SRSF4: variants seen among roughly 807,000 people sequenced by gnomAD.
SRSF4 encodes the protein serine/arginine-rich splicing factor 4.
SRSF4 carries 12 observed loss-of-function variants against 48.8 expected under a neutral mutation model. The observed-to-expected ratio is 0.25, with a 90% CI of 0.16 to 0.40. The LOEUF is 0.40. Ranked by LOEUF, SRSF4 falls within the 10% of genes least tolerant of loss-of-function variation. The pLI is 1.00. For synonymous variants in SRSF4, 248 were observed against 232.5 expected (o/e 1.07, Z -0.61); for missense variants, 466 against 667.1 (o/e 0.70, Z 3.32).
At chr1:29,159,008 G>A (rs1213015232) in intron 3 of SRSF4, among the ~76,000 whole-genome samples, 1 of 151,980 alleles carries the variant, frequency 6.6e-6, no homozygotes, top group African/African-American at 2.4e-5. Context: ...TCAGGAAGCT[G>A]AGATGGAGAA....
chr1:29,156,917 A>G (rs1672509153), intron 3 of SRSF4, among the ~76,000 whole-genome samples: 1 of 152,250 alleles, frequency 6.6e-6, no homozygotes. Context: ...CTTAGATCTA[A>G]GAAGCAGACA....
Position 29,148,863 on chromosome 1 carries a change from G to A in SRSF4, c.1032C>T (p.Ser344=). ...TGTCCTTGCTCTTGCTGCGGCTCCT[G>A]CTCCGGCTCCTGCTGCCCCCTTTGC... ...SRSKGGSRSR[S]RSRSKSKDKR... The change falls in exon 6 of 6, where the codon AGC becomes AGT. Residue 344 remains serine, a synonymous_variant. Coordinates refer to ENST00000373795, the MANE Select transcript of SRSF4 (RefSeq NM_005626.5). 1 of 1,603,104 alleles carries A rather than the reference G, an allele frequency of 6.2e-7. No individual in the cohort carries two copies. The highest frequency in any genetic ancestry group is 8.5e-7 in the Non-Finnish European group (1 of 1,171,814).
At chr1:29,149,278 G>C in intron 5 of SRSF4, 52 bp from the exon 6 acceptor site, 1 of 1,578,786 alleles carries the variant, frequency 6.3e-7, no homozygotes, top group Non-Finnish European at 8.6e-7. Context: ...ATGCTAATCA[G>C]GAGATAAAAA....
chr1:29,165,347 C>G (rs945575607), intron 1 of SRSF4, among the ~76,000 whole-genome samples: 4 of 152,228 alleles, frequency 2.6e-5, no homozygotes, highest in African/African-American at 9.6e-5. Context: ...CTCAGGTTAT[C>G]AGTCATAATT....
At chr1:29,180,228 T>C (rs1672934252) in intron 1 of SRSF4, among the ~76,000 whole-genome samples, 1 of 152,198 alleles carries the variant, frequency 6.6e-6, no homozygotes, top group Non-Finnish European at 1.5e-5. Context: ...TTAGTTATGC[T>C]GTCAATTTAG....
intron 3 of SRSF4, among the ~76,000 whole-genome samples, chr1:29,156,348 C>T (rs904472614): frequency 3.9e-5 from 3 of 77,308 alleles, no homozygotes; most frequent in Non-Finnish European, 9.3e-5. Context: ...GCAAGACCTT[C>T]GTCTCAAAAA....
chr1:29,172,486 C>G (rs1292703342), intron 1 of SRSF4: 1 of 151,988 alleles, frequency 6.6e-6, no homozygotes, highest in Non-Finnish European at 1.5e-5. Context: ...GAGACAGGGT[C>G]TCATCATGTT....
At chr1:29,155,844 C>G (rs1672491622) in intron 3 of SRSF4, among the ~76,000 whole-genome samples, 1 of 152,142 alleles carries the variant, frequency 6.6e-6, no homozygotes, top group Non-Finnish European at 1.5e-5. Context: ...CATCATGTCC[C>G]TTCAATACCA....
intron 1 of SRSF4, chr1:29,170,279 T>C (rs1033188916): frequency 6.6e-6 from 1 of 152,214 alleles, no homozygotes; most frequent in East Asian, 1.9e-4. Flanking sequence ...AAAGTCACAT[T>C]ACCAATTTAG....
intron 1 of SRSF4, chr1:29,170,193 A>T (rs1051490428): frequency 6.6e-6 from 1 of 152,214 alleles, no homozygotes; most frequent in African/African-American, 2.4e-5. Flanking sequence ...AAGGGGAATC[A>T]ACTATTGCCT....
chr1:29,164,111 A>C (rs1672636440), intron 1 of SRSF4, among the ~76,000 whole-genome samples: 1 of 152,160 alleles, frequency 6.6e-6, no homozygotes, highest in Non-Finnish European at 1.5e-5. Context: ...TCAGCCTCCC[A>C]AGTAGCTGGG....
intron 3 of SRSF4, among the ~76,000 whole-genome samples, chr1:29,157,295 T>C (rs1250249443): frequency 6.6e-6 from 1 of 152,148 alleles, no homozygotes; most frequent in Admixed American, 6.5e-5. Flanking sequence ...CCCATAAGCC[T>C]TTCCCCCAAC....
chr1:29,173,950 AG>A (rs903655018), intron 1 of SRSF4, among the ~76,000 whole-genome samples: 4 of 151,836 alleles, frequency 2.6e-5, no homozygotes, highest in African/African-American at 9.6e-5. Context: ...GCACTTTGGG[AG>A]GATGAGGTGG....
chr1:29,158,028 C>G (rs1212454493), intron 3 of SRSF4, among the ~76,000 whole-genome samples: 1 of 152,030 alleles, frequency 6.6e-6, no homozygotes, highest in Admixed American at 6.6e-5. Flanking sequence ...AAAAATTGGC[C>G]GGGCATGGTG....
At chr1:29,177,277 CTTT>C (rs368695927) in intron 1 of SRSF4, among the ~76,000 whole-genome samples, 8 of 141,560 alleles carry the variant, frequency 5.7e-5, no homozygotes, top group South Asian at 2.2e-4. Context: ...TACAGTAACT[CTTT>C]TTGTTTTTTT....
intron 1 of SRSF4, among the ~76,000 whole-genome samples, chr1:29,163,854 C>G (rs1238986690): frequency 6.6e-6 from 1 of 152,194 alleles, no homozygotes; most frequent in Non-Finnish European, 1.5e-5. Flanking sequence ...AAGAACCGAC[C>G]TGGGTTCTAG....
chr1:29,179,381 G>T (rs1329038688), intron 1 of SRSF4, among the ~76,000 whole-genome samples: 1 of 152,134 alleles, frequency 6.6e-6, no homozygotes, highest in Non-Finnish European at 1.5e-5. Flanking sequence ...TTTTATTAGA[G>T]ATGGGGGTCT....
At chr1:29,156,180 C>T (rs1574192146) in intron 3 of SRSF4, among the ~76,000 whole-genome samples, 2 of 152,176 alleles carry the variant, frequency 1.3e-5, no homozygotes, top group African/African-American at 4.8e-5. Context: ...TTTGTGAAAC[C>T]TTGTCTCTAC....
At chr1:29,154,207 T>C (rs943797014) in intron 4 of SRSF4, among the ~76,000 whole-genome samples, 1 of 152,180 alleles carries the variant, frequency 6.6e-6, no homozygotes, top group Admixed American at 6.5e-5. Flanking sequence ...ACTGGGATTA[T>C]AGGCACCCAC....
Sources: allele counts gnomAD v4.1 joint callset (sites outside exome capture counted in the v4.1 genomes callset), GRCh38; gene constraint gnomAD v4.1.1; transcripts MANE v1.5; gene names NCBI Gene and HGNC (gene_info 2026-07-23, HGNC 2026-07-21).